DSCAML1: variants seen among roughly 807,000 people sequenced by gnomAD.
The protein encoded by DSCAML1 is DS cell adhesion molecule like 1.
DSCAML1 carries 38 observed loss-of-function variants against 200.5 expected under a neutral mutation model. That is an observed-to-expected ratio of 0.19 (90% CI 0.15 to 0.25). The LOEUF is 0.25. Among genes scored for constraint, DSCAML1 ranks in the 10% least tolerant of loss-of-function variants. The probability of loss-of-function intolerance (pLI) is 1.00; values close to 1 mark genes in which losing one functional copy is unlikely to be tolerated. For synonymous variants in DSCAML1, 1,215 were observed against 1,165.0 expected, an observed-to-expected ratio of 1.04 and a Z score of -0.87; for missense variants, 2,223 against 2,858.8, an observed-to-expected ratio of 0.78 and a Z score of 5.07.
intron 3 of DSCAML1, among the ~76,000 whole-genome samples, chr11:117,652,370 C>T (rs1022932972): frequency 1.8e-4 from 27 of 152,240 alleles, no homozygotes. Context: ...GCAGATGACA[C>T]TGCCCAGACC....
rs1046711585 is a variant in DSCAML1 at position 117,812,787 on chromosome 11, C to G, written c.-250+4603G>C. On this transcript the variant is annotated intron_variant, in intron 1 of 2. Coordinates refer to the DSCAML1 transcript ENST00000525836. ...ACCTCAATCCTTTACAAAACAACAA[C>G]TCCTTTCCTTCCTAGGCATGGTTAG... is the stretch of plus-strand genomic sequence containing the variant. Among the ~76,000 whole-genome samples the G allele has an allele frequency of 2.7e-5, 4 of 146,014 alleles. 2 individuals carry two copies. The highest frequency in any genetic ancestry group is 9.8e-5 in the African/African-American group (4 of 41,024).
intron 3 of DSCAML1, among the ~76,000 whole-genome samples, chr11:117,656,444 G>A (rs939511505): frequency 3.3e-5 from 5 of 152,152 alleles, no homozygotes; most frequent in Admixed American, 6.5e-5. Flanking sequence ...GGAAAGACTT[G>A]TAGAACATTT....
intron 20 of DSCAML1, among the ~76,000 whole-genome samples, chr11:117,446,152 T>C (rs2048173126): frequency 6.6e-6 from 1 of 152,190 alleles, no homozygotes; most frequent in South Asian, 2.1e-4. Context: ...TCACCTGAGA[T>C]CAGGAGTTTG....
chr11:117,497,197 A>G (rs1457418733), intron 11 of DSCAML1, among the ~76,000 whole-genome samples: 1 of 152,172 alleles, frequency 6.6e-6, no homozygotes, highest in Non-Finnish European at 1.5e-5. Flanking sequence ...ACCCCTCTGA[A>G]TAGAGGAGCA....
At chr11:117,634,998 C>T (rs1357479094) in intron 3 of DSCAML1, among the ~76,000 whole-genome samples, 1 of 152,218 alleles carries the variant, frequency 6.6e-6, no homozygotes, top group East Asian at 1.9e-4. Context: ...GTCCTCTCCT[C>T]CCTCAGCTGG....
At chr11:117,560,648 G>T (rs2050644830) in intron 3 of DSCAML1, among the ~76,000 whole-genome samples, 1 of 152,130 alleles carries the variant, frequency 6.6e-6, no homozygotes, top group South Asian at 2.1e-4. Flanking sequence ...CTCTTGCCAG[G>T]GTGGCAGAAA....
chr11:117,807,081 C>T (rs184136175), intron 1 of DSCAML1, among the ~76,000 whole-genome samples: 4 of 152,352 alleles, frequency 2.6e-5, no homozygotes, highest in South Asian at 4.1e-4. Flanking sequence ...CCGCTTCCCC[C>T]AAGCCACACG....
At chr11:117,431,809 A>AG in intron 30 of DSCAML1, 81 bp from the exon 31 acceptor site, 4 of 1,378,598 alleles carry the variant, frequency 2.9e-6, no homozygotes, top group East Asian at 2.5e-5. Flanking sequence ...CAGAAAGGGC[A>AG]GGGGGGAGCA....
intron 3 of DSCAML1, among the ~76,000 whole-genome samples, chr11:117,564,454 T>C (rs1375843179): frequency 1.3e-5 from 2 of 152,200 alleles, no homozygotes; most frequent in Non-Finnish European, 2.9e-5. Flanking sequence ...CCGCAATCAA[T>C]AGGCCTTGCA....
intron 11 of DSCAML1, among the ~76,000 whole-genome samples, chr11:117,502,352 A>G (rs2049411697): frequency 6.6e-6 from 1 of 152,236 alleles, no homozygotes; most frequent in Non-Finnish European, 1.5e-5. Context: ...GCGAAAAAGC[A>G]TCTACGAGTT....
At chr11:117,792,582 T>C (rs2055491221) in intron 1 of DSCAML1, among the ~76,000 whole-genome samples, 1 of 152,028 alleles carries the variant, frequency 6.6e-6, no homozygotes, top group African/African-American at 2.4e-5. Flanking sequence ...CACGACCACC[T>C]CCCAGGCTAG....
intron 11 of DSCAML1, among the ~76,000 whole-genome samples, chr11:117,484,758 G>C (rs550222451): frequency 6.6e-6 from 1 of 152,218 alleles, no homozygotes; most frequent in Non-Finnish European, 1.5e-5. Context: ...ATTGAGCTCG[G>C]GTGTCGGGGA....
chr11:117,649,041 A>ATATATATGTGTG (rs768621807), intron 3 of DSCAML1, among the ~76,000 whole-genome samples: 8 of 137,846 alleles, frequency 5.8e-5, no homozygotes, highest in African/African-American at 2.3e-4. Flanking sequence ...CTCCATATAT[A>ATATATATGTGTG]TGTGTGTGTG....
In DSCAML1 at chr11:117,444,004, G is replaced by A; in HGVS notation, c.3744C>T (p.Leu1248=). Residue 1248 remains leucine, a synonymous_variant, in exon 21 of 33, where the codon CTC becomes CTT. Coordinates refer to ENST00000651296, the MANE Select transcript of DSCAML1 (RefSeq NM_020693.4). ...GGTTTAGGTGGGCGATCCGGTAGAA[G>A]AGCTGCTCTGGACTCGTCTCGTACT... ...PSEYETSPEQ[L]FYRIAHLNRG... 6.2e-7 allele frequency: 1 copy of A among 1,613,954 alleles called. No homozygotes were observed. Among genetic ancestry groups the A allele is most frequent in the Non-Finnish European group, 8.5e-7 (1 of 1,179,958 alleles).
upstream of DSCAML1, among the ~76,000 whole-genome samples, chr11:117,798,458 G>A (rs1041846750): frequency 6.6e-6 from 1 of 152,118 alleles, no homozygotes; most frequent in South Asian, 2.1e-4. Flanking sequence ...ATGTTAAAAT[G>A]TACATAACAT....
upstream of DSCAML1, chr11:117,797,388 GC>G: frequency 1.2e-6 from 1 of 807,962 alleles, no homozygotes; most frequent in Non-Finnish European, 1.7e-6. Flanking sequence ...GGCGGCCCGG[GC>G]CAGACCGCCC....
At position 117,671,496 on chromosome 11, in the gene DSCAML1, G is replaced by A. The variant is rs138228706; in HGVS notation, c.511+105295C>T. On this transcript the variant is annotated intron_variant, in intron 3 of 32. Transcript: ENST00000651296. The stretch of plus-strand genomic sequence containing the variant: ...AAAAGCCATTTACCAAGACCCCAAT[G>A]CCTCTTAACAGAGGCTGTGTGCCCG... Among the ~76,000 whole-genome samples, 153 of 152,326 alleles carry A rather than the reference G, an allele frequency of 1.0e-3. 1 individual carries two copies. Among genetic ancestry groups the A allele is most frequent in the African/African-American group, 3.5e-3 (144 of 41,582 alleles).
chr11:117,591,243 G>A (rs140059884), intron 3 of DSCAML1, among the ~76,000 whole-genome samples: 118 of 152,276 alleles, frequency 7.7e-4, no homozygotes, highest in South Asian at 7.0e-3. Context: ...GCGAGGAGCA[G>A]GTTCCAACAC....
intron 27 of DSCAML1, among the ~76,000 whole-genome samples, 170 bp downstream of exon 27, chr11:117,435,474 G>A (rs1352624737): frequency 2.0e-5 from 3 of 152,222 alleles, no homozygotes; most frequent in Admixed American, 1.3e-4. Context: ...AGTGGTGAAC[G>A]AAACCTTCTG....
Sources: allele counts gnomAD v4.1 joint callset (sites outside exome capture counted in the v4.1 genomes callset), GRCh38; gene constraint gnomAD v4.1.1; transcripts MANE v1.5; gene names NCBI Gene and HGNC (gene_info 2026-07-23, HGNC 2026-07-21).